RBFOX1: variants seen among roughly 807,000 people sequenced by gnomAD.
RBFOX1 encodes the protein RNA binding fox-1 homolog 1.
Under a neutral mutation model 57.7 loss-of-function variants are expected in RBFOX1, and 8 were observed. The observed-to-expected ratio is 0.14, with a 90% CI of 0.08 to 0.25. The LOEUF is 0.25. Among genes scored for constraint, RBFOX1 ranks in the 10% least tolerant of loss-of-function variants. RBFOX1 has a pLI of 1.00. For missense variants in RBFOX1, 611 were observed against 548.5 expected (o/e 1.11, Z -1.14); for synonymous variants, 326 against 222.4 (o/e 1.47, Z -4.15).
At chr16:7,302,938 C>A (rs991643857) in intron 4 of RBFOX1, among the ~76,000 whole-genome samples, 3 of 152,058 alleles carry the variant, frequency 2.0e-5, no homozygotes, top group African/African-American at 4.8e-5. Context: ...GAGGGCTGGA[C>A]AGGCAAGAAT....
chr16:7,071,249 G>A (rs532315487), intron 4 of RBFOX1, among the ~76,000 whole-genome samples: 3 of 152,206 alleles, frequency 2.0e-5, no homozygotes, highest in African/African-American at 7.2e-5. Flanking sequence ...TACACCACTA[G>A]GAGAATAGTA....
Position 7,444,580 on chromosome 16 carries a change from T to C in RBFOX1, c.28-73567T>C, listed in dbSNP as rs554081286. ...CAGGGTTTTGCTGTGTCTCCCAAGCTAGACTGCAGTGGCATGATCCTAGCT... is the reference window on the plus strand; with the variant it reads ...CAGGGTTTTGCTGTGTCTCCCAAGCCAGACTGCAGTGGCATGATCCTAGCT... On this transcript the variant is annotated intron_variant, in intron 4 of 15. Transcript: ENST00000550418. 2.0e-5 allele frequency among the ~76,000 whole-genome samples: 3 copies of C among 152,232 alleles called. No individual in the cohort carries two copies. The East Asian group carries it at 5.8e-4, about 29-fold the overall frequency.
intron 4 of RBFOX1, among the ~76,000 whole-genome samples, chr16:7,152,536 C>G (rs2152296440): frequency 6.6e-6 from 1 of 152,158 alleles, no homozygotes; most frequent in South Asian, 2.1e-4. Flanking sequence ...AAAGAGTTAG[C>G]TGTGCAATCT....
intron 1 of RBFOX1, among the ~76,000 whole-genome samples, chr16:5,405,975 G>C (rs1239412742): frequency 6.6e-6 from 1 of 152,168 alleles, no homozygotes; most frequent in Non-Finnish European, 1.5e-5. Context: ...AGCATGTCTG[G>C]ACTTGTCTCT....
chr16:7,300,040 C>G (rs771004527), intron 4 of RBFOX1, among the ~76,000 whole-genome samples: 6 of 152,142 alleles, frequency 3.9e-5, no homozygotes, highest in Non-Finnish European at 8.8e-5. Flanking sequence ...TTTCTTGAAG[C>G]TGAAACTGCA....
intron 3 of RBFOX1, among the ~76,000 whole-genome samples, chr16:5,750,552 A>G (rs1472900081): frequency 2.6e-5 from 4 of 152,062 alleles, no homozygotes; most frequent in African/African-American, 9.7e-5. Context: ...TTACCTACTC[A>G]AGCCTCAGCA....
chr16:6,198,009 A>G (rs1482599161), intron 1 of RBFOX1, among the ~76,000 whole-genome samples: 2 of 152,226 alleles, frequency 1.3e-5, no homozygotes, highest in African/African-American at 4.8e-5. Flanking sequence ...ACATTGGACC[A>G]AAAGGTCTTT....
At chr16:6,177,360 C>T (rs1461108579) in intron 1 of RBFOX1, among the ~76,000 whole-genome samples, 2 of 151,972 alleles carry the variant, frequency 1.3e-5, no homozygotes, top group Non-Finnish European at 2.9e-5. Flanking sequence ...AATAATGTAT[C>T]AGTTTACTTA....
At chr16:6,898,334 G>C (rs1436326666) in intron 3 of RBFOX1, among the ~76,000 whole-genome samples, 1 of 152,088 alleles carries the variant, frequency 6.6e-6, no homozygotes, top group Non-Finnish European at 1.5e-5. Flanking sequence ...CTTGGATGGA[G>C]GGGGGTGAGG....
chr16:7,463,536 A>G (rs552889723), intron 4 of RBFOX1, among the ~76,000 whole-genome samples: 21 of 152,276 alleles, frequency 1.4e-4, no homozygotes, highest in Admixed American at 2.6e-4. Flanking sequence ...ATCCCCATCA[A>G]CAGAGTCCTA....
intron 3 of RBFOX1, among the ~76,000 whole-genome samples, chr16:5,787,681 G>C (rs2054550905): frequency 6.6e-6 from 1 of 152,210 alleles, no homozygotes; most frequent in Non-Finnish European, 1.5e-5. Flanking sequence ...GGGTTTGGCA[G>C]CATGGAGGGA....
intron 1 of RBFOX1, among the ~76,000 whole-genome samples, chr16:6,109,647 A>C (rs1597388274): frequency 6.6e-6 from 1 of 152,336 alleles, no homozygotes; most frequent in East Asian, 1.9e-4. Context: ...TAGATATTAG[A>C]ATTTTTATGC....
intron 2 of RBFOX1, among the ~76,000 whole-genome samples, chr16:6,418,669 C>T (rs2093692840): frequency 6.6e-6 from 1 of 151,974 alleles, no homozygotes; most frequent in South Asian, 2.1e-4. Flanking sequence ...GCTACAGGTG[C>T]ATGCCACCAC....
In RBFOX1 at chr16:6,033,119, C is replaced by A. The variant is rs561430148; in HGVS notation, c.-127+13127C>A. Among the ~76,000 whole-genome samples the A allele has an allele frequency of 4.6e-5, 7 of 152,190 alleles. No homozygotes were observed. The South Asian group carries it at 1.0e-3, about 23-fold the overall frequency. ...TTGTTACCGTGAGCACAGCAAATTG[C>A]GTGCTAATAGTTAGTTCCTCCGCAG... On this transcript the variant is annotated intron_variant, in intron 1 of 15. Coordinates refer to ENST00000550418, the MANE Select transcript of RBFOX1 (RefSeq NM_018723.4).
At chr16:5,627,469 T>C (rs1371463178) in intron 3 of RBFOX1, among the ~76,000 whole-genome samples, 5 of 152,092 alleles carry the variant, frequency 3.3e-5, no homozygotes, top group African/African-American at 1.2e-4. Flanking sequence ...TTGTAAAGGA[T>C]AGAAAATGCT....
chr16:5,968,912 G>C (rs1043430423), intron 4 of RBFOX1, among the ~76,000 whole-genome samples: 7 of 151,898 alleles, frequency 4.6e-5, no homozygotes, highest in African/African-American at 7.3e-5. Flanking sequence ...TTAACAGCTT[G>C]ATTTACACAT....
At chr16:7,459,046 T>C (rs1378520726) in intron 4 of RBFOX1, among the ~76,000 whole-genome samples, 1 of 152,042 alleles carries the variant, frequency 6.6e-6, no homozygotes, top group Non-Finnish European at 1.5e-5. Context: ...GAATGATGGA[T>C]GGATGGATGA....
At chr16:6,785,260 G>T (rs1478571551) in intron 3 of RBFOX1, among the ~76,000 whole-genome samples, 1 of 152,112 alleles carries the variant, frequency 6.6e-6, no homozygotes, top group Non-Finnish European at 1.5e-5. Flanking sequence ...AAGAGTTTAT[G>T]CAAAACAAGA....
chr16:6,685,767 C>T (rs1022357418), intron 3 of RBFOX1, among the ~76,000 whole-genome samples: 3 of 152,090 alleles, frequency 2.0e-5, no homozygotes, highest in African/African-American at 7.2e-5. Flanking sequence ...TCCTTTTTCC[C>T]TCCAAGCACC....
Sources: gnomAD v4.1 joint callset for allele counts (sites outside exome capture counted in the v4.1 genomes callset) on GRCh38, gnomAD v4.1.1 for gene constraint, MANE v1.5 for transcripts, NCBI Gene and HGNC (gene_info 2026-07-23, HGNC 2026-07-21) for gene names.